ZDHHC9: variants seen among roughly 807,000 people sequenced by gnomAD.
The protein encoded by ZDHHC9 is zDHHC palmitoyltransferase 9.
ZDHHC9 carries 3 observed loss-of-function variants against 26.6 expected under a neutral mutation model. The ratio of observed to expected loss-of-function variants is 0.11; its 90% CI spans 0.05 to 0.29. ZDHHC9 has a LOEUF of 0.29. Ranked by LOEUF, ZDHHC9 falls within the 10% of genes least tolerant of loss-of-function variation. The pLI is 1.00. For missense variants in ZDHHC9, 146 were observed against 296.4 expected (o/e 0.49, Z 3.73); for synonymous variants, 111 against 109.4 (o/e 1.01, Z -0.09).
At chrX:129,819,627 C>T (rs1682057518) in intron 5 of ZDHHC9, among the ~76,000 whole-genome samples, 1 of 111,534 alleles carries the variant, frequency 9.0e-6, no homozygotes, top group Non-Finnish European at 1.9e-5. Context: ...TGTAGCCTAT[C>T]TCCCATTTTG....
chrX:129,812,496 T>C (rs1452561888), intron 8 of ZDHHC9, among the ~76,000 whole-genome samples: 1 of 112,315 alleles, frequency 8.9e-6, no homozygotes, highest in African/African-American at 3.2e-5. Context: ...AAAGGCTGTA[T>C]ACCCACCCAA....
chrX:129,808,613 C>A (rs1267586175), intron 10 of ZDHHC9, among the ~76,000 whole-genome samples: 2 of 111,601 alleles, frequency 1.8e-5, no homozygotes, highest in African/African-American at 6.5e-5. Context: ...ACAGCTCTTA[C>A]AAGAAAACAA....
intron 4 of ZDHHC9, among the ~76,000 whole-genome samples, chrX:129,825,218 G>A (rs969000256): frequency 1.8e-5 from 2 of 111,110 alleles, no homozygotes; most frequent in Non-Finnish European, 3.8e-5. Flanking sequence ...CAGGAGAATC[G>A]CTTGAACCTG....
At chrX:129,840,693 C>T (rs941982869) in intron 3 of ZDHHC9, among the ~76,000 whole-genome samples, 7 of 111,265 alleles carry the variant, frequency 6.3e-5, no homozygotes, top group African/African-American at 2.3e-4. Context: ...CCTCCCCCTG[C>T]TGTTACTCAA....
chrX:129,817,170 C>T (rs930990639), intron 5 of ZDHHC9, among the ~76,000 whole-genome samples: 2 of 111,650 alleles, frequency 1.8e-5, no homozygotes, highest in Non-Finnish European at 3.8e-5. Context: ...CCACTGCGCC[C>T]GGCCGAAGTT....
chrX:129,828,146 A>G (rs1174099617), intron 4 of ZDHHC9, among the ~76,000 whole-genome samples: 1 of 111,974 alleles, frequency 8.9e-6, no homozygotes, highest in Non-Finnish European at 1.9e-5. Context: ...TGGGGGGGAC[A>G]TGAATGAACT....
At chrX:129,835,558 G>A (rs1249960753) in intron 3 of ZDHHC9, among the ~76,000 whole-genome samples, 8 of 111,077 alleles carry the variant, frequency 7.2e-5, no homozygotes, top group Non-Finnish European at 1.1e-4. Context: ...AGAGGCGGGC[G>A]GATCACCTGA....
chrX:129,833,490 G>C (rs1164597775), intron 3 of ZDHHC9, among the ~76,000 whole-genome samples: 1 of 112,192 alleles, frequency 8.9e-6, no homozygotes, highest in African/African-American at 3.2e-5. Context: ...TCTAGACAGA[G>C]AGCTATGCCT....
At position 129,806,301 on chromosome X, in the gene ZDHHC9, TTTAAC is replaced by T. The variant is rs1281391622; in HGVS notation, c.*64_*68del. 35 of 979,598 alleles carry T rather than the reference TTTAAC, an allele frequency of 3.6e-5. No individual in the cohort carries two copies. Among genetic ancestry groups the T allele is most frequent in the Non-Finnish European group, 4.5e-5 (31 of 685,474 alleles). The allele number at this position is 979,598 out of a possible 1,213,427, so 80.7% of individuals were successfully genotyped here. A position where few individuals can be genotyped will look rare whatever the true frequency, so the allele number is the denominator to read the frequency against. On this transcript the variant is annotated 3_prime_UTR_variant, in exon 11 of 11. Transcript: ENST00000357166. ...CAGCTTACTTGCTCTCTGTCTCAGG[TTTAAC>T]TTCTCACCTGAAATCTCTCATAGCC...
chrX:129,832,814 C>A (rs866448132), intron 3 of ZDHHC9, among the ~76,000 whole-genome samples: 102 of 81,930 alleles, frequency 1.2e-3, no homozygotes, highest in African/African-American at 0.01. Flanking sequence ...TAAATAAATA[C>A]ATAAGCCGGA....
Position 129,806,215 on chromosome X carries a change from G to T in ZDHHC9, c.*155C>A. 1.8e-6 allele frequency: 1 copy of T among 543,357 alleles called. No homozygotes were observed. The highest frequency in any genetic ancestry group is 4.9e-4 in the Middle Eastern group (1 of 2,056). 44.8% of individuals were successfully genotyped at this position (543,357 alleles called of 1,213,427 possible). ...GTTCAGAAATTTAAAAAAGCTTGCAGCAAGAAAATGCCAGTGTGCAACTGG... is the reference window on the plus strand; with the variant it reads ...GTTCAGAAATTTAAAAAAGCTTGCATCAAGAAAATGCCAGTGTGCAACTGG... On this transcript the variant is annotated 3_prime_UTR_variant, in exon 11 of 11. Coordinates refer to ENST00000357166, the MANE Select transcript of ZDHHC9 (RefSeq NM_016032.4).
Position 129,843,295 on chromosome X carries a change from G to A in ZDHHC9, c.-172C>T, listed in dbSNP as rs1296459897. Reference sequence around the variant, plus strand: ...TCTCCTCCCGATAAACCGGCCCAGCGGGAGAAGGGAGACCAGGAAGGGGGA... The same window carrying A: ...TCTCCTCCCGATAAACCGGCCCAGCAGGAGAAGGGAGACCAGGAAGGGGGA... On this transcript the variant is annotated 5_prime_UTR_variant, in exon 2 of 11. Coordinates refer to ENST00000357166, the MANE Select transcript of ZDHHC9 (RefSeq NM_016032.4). 8.9e-6 allele frequency: 1 copy of A among 112,715 alleles called. No individual in the cohort carries two copies. Among genetic ancestry groups the A allele is most frequent in the Non-Finnish European group, 1.9e-5 (1 of 53,139 alleles). The allele number at this position is 112,715 out of a possible 1,213,427, so 9.3% of individuals were successfully genotyped here. A position where few individuals can be genotyped will look rare whatever the true frequency, so the allele number is the denominator to read the frequency against.
In ZDHHC9 at chrX:129,827,031, T is replaced by C. The variant is rs755302482; in HGVS notation, c.328+1950A>G. On this transcript the variant is annotated intron_variant, in intron 4 of 10. Transcript: ENST00000357166. ...CAATATGGTGAAACACCGTCTCTAC[T>C]AAAAATACAAAAATTAGCTGGGAGT... is the stretch of plus-strand genomic sequence containing the variant. Among the ~76,000 whole-genome samples the C allele has an allele frequency of 4.2e-3, 462 of 109,917 alleles. 2 individuals carry two copies. The highest frequency in any genetic ancestry group is 0.014 in the African/African-American group (436 of 30,201).
At chrX:129,827,269 AGGGAGGGAGGGAG>A in intron 4 of ZDHHC9, among the ~76,000 whole-genome samples, 1 of 67,380 alleles carries the variant, frequency 1.5e-5, no homozygotes, top group Admixed American at 2.2e-4. Context: ...GAAGGAAGGA[AGGGAGGGAGGGAG>A]GGAGGGAAGG....
chrX:129,821,136 A>G, intron 5 of ZDHHC9, among the ~76,000 whole-genome samples: 1 of 111,773 alleles, frequency 8.9e-6, no homozygotes, highest in Non-Finnish European at 1.9e-5. Context: ...AAAGTCAAAA[A>G]ACAACAGATG....
At chrX:129,839,665 G>A (rs1195085463) in intron 3 of ZDHHC9, among the ~76,000 whole-genome samples, 1 of 111,300 alleles carries the variant, frequency 9.0e-6, no homozygotes, top group Non-Finnish European at 1.9e-5. Context: ...ACCTGTCACT[G>A]GCTAGGCACA....
intron 5 of ZDHHC9, 101 bp downstream of exon 5, chrX:129,823,578 C>T (rs1267663321): frequency 1.0e-6 from 1 of 996,345 alleles, no homozygotes; most frequent in Non-Finnish European, 1.4e-6. Flanking sequence ...GTTCATTTCT[C>T]ATCTAAATCT....
At position 129,825,685 on chromosome X, in the gene ZDHHC9, C is replaced by G. The variant is rs1422564717; in HGVS notation, c.329-1848G>C. On this transcript the variant is annotated intron_variant, in intron 4 of 10. Transcript: ENST00000357166. Reference sequence around the variant, plus strand: ...TCACCACCTCAATCCTAGTCCCCTCCTCCCTTCCAAGAACATACTCATGTG... The same window carrying G: ...TCACCACCTCAATCCTAGTCCCCTCGTCCCTTCCAAGAACATACTCATGTG... Among the ~76,000 whole-genome samples the G allele has an allele frequency of 2.7e-5, 3 of 111,446 alleles. No homozygotes were observed. In the East Asian group the frequency reaches 8.3e-4, roughly 31 times the overall value.
intron 10 of ZDHHC9, among the ~76,000 whole-genome samples, chrX:129,807,418 A>G (rs1375063820): frequency 1.2e-3 from 120 of 101,287 alleles, no homozygotes; most frequent in Non-Finnish European, 2.0e-3. Context: ...TGCAGTCCGC[A>G]GTCCGGCCTG....
Sources: gnomAD v4.1 joint callset for allele counts (sites outside exome capture counted in the v4.1 genomes callset) on GRCh38, gnomAD v4.1.1 for gene constraint, MANE v1.5 for transcripts, NCBI Gene and HGNC (gene_info 2026-07-23, HGNC 2026-07-21) for gene names.